The following DIS3L2 variants were observed in gnomAD, a reference collection of about 807,000 sequenced individuals.
DIS3L2 encodes DIS3-like exonuclease 2.
Under a neutral mutation model 97.5 loss-of-function variants are expected in DIS3L2, and 34 were observed. The observed-to-expected ratio is 0.35, with a 90% CI of 0.27 to 0.46. The LOEUF is 0.46. Among genes scored for constraint, DIS3L2 ranks in the 20% least tolerant of loss-of-function variants. The pLI, the probability that DIS3L2 is intolerant of heterozygous loss-of-function variation, is 1.00. For missense variants in DIS3L2, 1,038 were observed against 1,146.0 expected (o/e 0.91, Z 1.36); for synonymous variants, 435 against 445.2 (o/e 0.98, Z 0.29).
intron 6 of DIS3L2, among the ~76,000 whole-genome samples, chr2:232,116,176 AAATAAATG>A (rs148193734): frequency 0.48 from 47,799 of 99,094 alleles, 8,242 homozygotes; most frequent in African/African-American, 0.57. Context: ...GGTCTTAAAT[AAATAAATG>A]AATAAATAAA....
intron 10 of DIS3L2, among the ~76,000 whole-genome samples, chr2:232,225,385 T>C (rs1394842037): frequency 6.6e-6 from 1 of 152,194 alleles, no homozygotes. Context: ...TGGAATATTA[T>C]ATAGCAACAG....
intron 15 of DIS3L2, 80 bp downstream of exon 15, chr2:232,330,076 G>C: frequency 6.7e-7 from 1 of 1,493,666 alleles, no homozygotes; most frequent in Non-Finnish European, 9.0e-7. Context: ...TGGTCCAGCG[G>C]CCTCTGCTTC....
intron 9 of DIS3L2, among the ~76,000 whole-genome samples, chr2:232,167,129 T>C (rs1574920987): frequency 6.6e-6 from 1 of 152,228 alleles, no homozygotes; most frequent in Non-Finnish European, 1.5e-5. Flanking sequence ...AAATTTTTTC[T>C]AATGTTTCTT....
At chr2:232,038,714 A>G (rs1195089257) in intron 5 of DIS3L2, among the ~76,000 whole-genome samples, 2 of 152,184 alleles carry the variant, frequency 1.3e-5, no homozygotes, top group African/African-American at 4.8e-5. Flanking sequence ...ACGATGGGGT[A>G]GATTGTTAAC....
At chr2:232,025,951 A>G (rs540721060) in intron 4 of DIS3L2, among the ~76,000 whole-genome samples, 1 of 152,300 alleles carries the variant, frequency 6.6e-6, no homozygotes, top group African/African-American at 2.4e-5. Flanking sequence ...CACTCAATGT[A>G]GTAAGTTCAT....
intron 1 of DIS3L2, among the ~76,000 whole-genome samples, chr2:231,996,337 G>A (rs1165231049): frequency 1.3e-5 from 2 of 152,134 alleles, no homozygotes; most frequent in Non-Finnish European, 2.9e-5. Flanking sequence ...CATAGAAACT[G>A]GATTCAGCCA....
chr2:232,321,589 G>T (rs532285210), intron 14 of DIS3L2, among the ~76,000 whole-genome samples: 7 of 152,282 alleles, frequency 4.6e-5, no homozygotes, highest in Non-Finnish European at 8.8e-5. Flanking sequence ...CAAAGGAGAG[G>T]CTGCACAGGG....
At chr2:232,226,922 A>G (rs1325772007) in intron 10 of DIS3L2, among the ~76,000 whole-genome samples, 2 of 152,140 alleles carry the variant, frequency 1.3e-5, no homozygotes, top group Non-Finnish European at 2.9e-5. Context: ...GTGGGCCATG[A>G]TCGTGCCACT....
chr2:232,267,476 A>C (rs190835585), intron 13 of DIS3L2, among the ~76,000 whole-genome samples: 1 of 152,172 alleles, frequency 6.6e-6, no homozygotes. Context: ...AGTTTCTTCT[A>C]TCTCCATGTT....
At chr2:232,329,789 T>TGCCC in intron 14 of DIS3L2, 24 bp from the exon 15 acceptor site, 2 of 368,616 alleles carry the variant, frequency 5.4e-6, no homozygotes, top group Non-Finnish European at 1.0e-5. Context: ...CAGCGGTCCC[T>TGCCC]CCCATCCCAC....
intron 9 of DIS3L2, among the ~76,000 whole-genome samples, chr2:232,194,622 A>C (rs1691699272): frequency 6.6e-6 from 1 of 152,256 alleles, no homozygotes; most frequent in African/African-American, 2.4e-5. Flanking sequence ...CTTTGTCCTA[A>C]TAGCCAAGTG....
intron 6 of DIS3L2, 48 bp downstream of exon 6, chr2:232,087,769 A>G (rs762412376): frequency 1.5e-5 from 21 of 1,409,024 alleles, no homozygotes; most frequent in Non-Finnish European, 2.1e-5. Context: ...ACACTGATTA[A>G]GTATTGGAAT....
intron 6 of DIS3L2, among the ~76,000 whole-genome samples, chr2:232,096,526 C>T (rs1273426847): frequency 2.6e-5 from 4 of 152,148 alleles, no homozygotes; most frequent in Admixed American, 2.0e-4. Flanking sequence ...ATGTCTTTCT[C>T]TACCTCCTCT....
At chr2:232,020,015 T>C (rs188540893) in intron 3 of DIS3L2, among the ~76,000 whole-genome samples, 14 of 151,554 alleles carry the variant, frequency 9.2e-5, no homozygotes, top group Middle Eastern at 6.8e-3. Context: ...GAGAAGAACA[T>C]AGGTGGATAG....
rs144489016 is a variant in DIS3L2 at position 232,275,226 on chromosome 2, C to T, written c.1659+11786C>T. ...CTAGGTGCCTGGTGCGGAACACCATCAGCTTTCATTCGTTTTGTTTTGCGG... is the reference window on the plus strand; with the variant it reads ...CTAGGTGCCTGGTGCGGAACACCATTAGCTTTCATTCGTTTTGTTTTGCGG... On this transcript the variant is annotated intron_variant, in intron 13 of 20. Transcript: ENST00000325385. Among the ~76,000 whole-genome samples the T allele has an allele frequency of 2.0e-3, 305 of 152,358 alleles. 1 individual carries two copies. The highest frequency in any genetic ancestry group is 7.1e-3 in the African/African-American group (296 of 41,586).
At chr2:232,226,599 A>G (rs1000504718) in intron 10 of DIS3L2, among the ~76,000 whole-genome samples, 1 of 152,240 alleles carries the variant, frequency 6.6e-6, no homozygotes, top group Non-Finnish European at 1.5e-5. Context: ...AGAGGCTACA[A>G]GTGAACTTGA....
At chr2:232,034,461 A>G (rs1018344874) in intron 5 of DIS3L2, among the ~76,000 whole-genome samples, 1 of 151,976 alleles carries the variant, frequency 6.6e-6, no homozygotes, top group Non-Finnish European at 1.5e-5. Flanking sequence ...TCATGTCTCT[A>G]TCTCCTTCAG....
intron 6 of DIS3L2, among the ~76,000 whole-genome samples, chr2:232,111,898 A>G (rs959476928): frequency 6.6e-6 from 1 of 152,204 alleles, no homozygotes; most frequent in East Asian, 1.9e-4. Flanking sequence ...CCAGAAGCAA[A>G]TATGTGCTCC....
At chr2:232,237,059 AT>A (rs1452677980) in intron 10 of DIS3L2, among the ~76,000 whole-genome samples, 3 of 152,020 alleles carry the variant, frequency 2.0e-5, no homozygotes, top group Non-Finnish European at 2.9e-5. Flanking sequence ...CTATATACTT[AT>A]TTTACATGTA....
Sources: gnomAD v4.1 joint callset for allele counts (sites outside exome capture counted in the v4.1 genomes callset) on GRCh38, gnomAD v4.1.1 for gene constraint, MANE v1.5 for transcripts, NCBI Gene and HGNC (gene_info 2026-07-23, HGNC 2026-07-21) for gene names.